KLHL12: variants seen among roughly 807,000 people sequenced by gnomAD.
The protein encoded by KLHL12 is kelch like family member 12.
In KLHL12, 17 loss-of-function variants were observed where a neutral mutation model predicts 60.8. The observed-to-expected ratio is 0.28, with a 90% CI of 0.19 to 0.42. The LOEUF (loss-of-function observed/expected upper bound fraction) is 0.42. KLHL12 is among the 10% of genes least tolerant of loss of function. KLHL12 has a pLI of 1.00. For missense variants in KLHL12, 468 were observed against 722.3 expected (o/e 0.65, Z 4.04); for synonymous variants, 220 against 250.9 (o/e 0.88, Z 1.16).
chr1:202,911,762 G>A (rs1399287954), intron 4 of KLHL12: 2 of 663,614 alleles, frequency 3.0e-6, no homozygotes, highest in Non-Finnish European at 2.7e-6. Context: ...CTTTCTGCCT[G>A]TGGACGCCGC....
Position 202,894,195 on chromosome 1 carries a change from G to A in KLHL12, c.1382C>T (p.Thr461Ile), listed in dbSNP as rs1284564389. Residue 461 changes from threonine (T) to isoleucine (I), a missense_variant, in exon 10 of 12, where the codon ACC becomes ATC. By Grantham distance (89) the Thr-to-Ile change is moderately conservative. Around this residue, in one of 4 missense-constraint regions of KLHL12, gnomAD observed 339 missense variants for 525.0 expected, o/e 0.65. Transcript: ENST00000367261. Reference sequence around the variant, plus strand: ...AGATCTGGTCTTACCAGAACGCTTGGTGGCCATTGGTGTAACATTAGTCCA... The same window carrying A: ...AGATCTGGTCTTACCAGAACGCTTGATGGCCATTGGTGTAACATTAGTCCA... ...GHWTNVTPMA[T>I]KRSGAGVALL... The A allele has an allele frequency of 2.6e-6, 4 of 1,550,368 alleles. No individual in the cohort carries two copies. Among genetic ancestry groups the A allele is most frequent in the Non-Finnish European group, 3.5e-6 (4 of 1,144,196 alleles).
intron 4 of KLHL12, among the ~76,000 whole-genome samples, chr1:202,915,488 C>T (rs993913619): frequency 1.3e-5 from 2 of 152,096 alleles, no homozygotes; most frequent in Admixed American, 6.6e-5. Context: ...AAAAACTACA[C>T]ATAAGAGTTC....
chr1:202,914,201 T>A (rs757363997), intron 4 of KLHL12, among the ~76,000 whole-genome samples: 4 of 152,190 alleles, frequency 2.6e-5, no homozygotes, highest in Non-Finnish European at 5.9e-5. Context: ...TATGATCATA[T>A]TGATGTTTTG....
intron 7 of KLHL12, among the ~76,000 whole-genome samples, chr1:202,896,329 G>C (rs905537764): frequency 6.6e-6 from 1 of 152,098 alleles, no homozygotes; most frequent in Non-Finnish European, 1.5e-5. Flanking sequence ...AGGACTACAG[G>C]CATGCACCAC....
At chr1:202,912,482 G>A (rs1311758877) in intron 4 of KLHL12, 12 of 911,710 alleles carry the variant, frequency 1.3e-5, no homozygotes, top group African/African-American at 4.8e-5. Context: ...TGGATATGGT[G>A]GCAGTGAGGA....
intron 2 of KLHL12, among the ~76,000 whole-genome samples, chr1:202,921,518 T>A (rs980335445): frequency 6.6e-6 from 1 of 152,222 alleles, no homozygotes; most frequent in Non-Finnish European, 1.5e-5. Context: ...ATGCAGGTCA[T>A]CCTAAGGGAC....
intron 6 of KLHL12, among the ~76,000 whole-genome samples, chr1:202,902,361 T>C (rs7542327): frequency 0.82 from 124,692 of 151,416 alleles, 51,661 homozygotes; most frequent in East Asian, 0.89. Context: ...ACTTGGGAAG[T>C]GGAGACTGCA....
At chr1:202,911,456 A>ATC (rs10577552) in intron 4 of KLHL12, among the ~76,000 whole-genome samples, 3,054 of 149,306 alleles carry the variant, frequency 0.02, 91 homozygotes, top group African/African-American at 0.065. Context: ...ATATATATGT[A>ATC]TCTCTCTCTC....
At chr1:202,917,182 ACAGG>A (rs1414200196) in intron 4 of KLHL12, among the ~76,000 whole-genome samples, 12 of 152,160 alleles carry the variant, frequency 7.9e-5, no homozygotes, top group Non-Finnish European at 1.5e-4. Flanking sequence ...CCTGCCTGGC[ACAGG>A]TAGTATCCCC....
At chr1:202,917,222 T>C (rs1660548947) in intron 4 of KLHL12, among the ~76,000 whole-genome samples, 1 of 152,138 alleles carries the variant, frequency 6.6e-6, no homozygotes, top group Admixed American at 6.5e-5. Context: ...TTATTCCTTC[T>C]TCCCCCGCAA....
intron 4 of KLHL12, among the ~76,000 whole-genome samples, chr1:202,916,922 A>G (rs1320307992): frequency 1.3e-5 from 2 of 150,410 alleles, no homozygotes; most frequent in Admixed American, 1.3e-4. Context: ...GCAGTGAGCC[A>G]TAATTGCATC....
At chr1:202,900,689 C>A (rs1659979946) in intron 6 of KLHL12, among the ~76,000 whole-genome samples, 1 of 152,142 alleles carries the variant, frequency 6.6e-6, no homozygotes, top group Admixed American at 6.6e-5. Context: ...CATGGTGAAA[C>A]CCCATCTCTA....
chr1:202,893,311 A>G lies in KLHL12; in HGVS notation c.1508T>C (p.Val503Ala). ...YNIRTDSWTT[V>A]TSMTTPRCYV... ...GCATCGTGGAGTGGTCATACTGGTG[A>G]CAGTTGTCCAGGAATCAGTGCGAAT... The change falls in exon 11 of 12, where the codon GTC becomes GCC. Residue 503 changes from valine to alanine, a missense_variant. Around this residue, in one of 4 missense-constraint regions of KLHL12, gnomAD observed 68 missense variants for 119.8 expected, o/e 0.57. Coordinates refer to ENST00000367261, the MANE Select transcript of KLHL12 (RefSeq NM_021633.4). The surrounding 1 kb of genome is among the most constrained non-coding windows in gnomAD (Gnocchi z 4.1). The G allele has an allele frequency of 6.2e-7, 1 of 1,613,666 alleles. No homozygotes were observed. Among genetic ancestry groups the G allele is most frequent in the Non-Finnish European group, 8.5e-7 (1 of 1,179,946 alleles).
chr1:202,902,661 T>C (rs1456172051), intron 6 of KLHL12, among the ~76,000 whole-genome samples: 2 of 151,956 alleles, frequency 1.3e-5, no homozygotes, highest in Non-Finnish European at 2.9e-5. Flanking sequence ...CTTAAAGAAA[T>C]GGGAAGAATG....
At position 202,927,160 on chromosome 1, in the gene KLHL12, T is replaced by G; in HGVS notation, c.-117A>C. 2 of 985,208 alleles carry G rather than the reference T, an allele frequency of 2.0e-6. No homozygotes were observed. Among genetic ancestry groups the G allele is most frequent in the Non-Finnish European group, 2.4e-6 (2 of 829,896 alleles). The allele number at this position is 985,208 out of a possible 1,614,324, so 61.0% of individuals were successfully genotyped here. A position where few individuals can be genotyped will look rare whatever the true frequency, so the allele number is the denominator to read the frequency against. On this transcript the variant is annotated 5_prime_UTR_variant, in exon 1 of 12. Coordinates refer to ENST00000367261, the MANE Select transcript of KLHL12 (RefSeq NM_021633.4). Reference sequence around the variant, plus strand: ...GTGGGGATGGAGTGCGGCGCGGGGCTAGCAGGCGGCTCGGGAGGAGCCGAA... The same window carrying G: ...GTGGGGATGGAGTGCGGCGCGGGGCGAGCAGGCGGCTCGGGAGGAGCCGAA...
At chr1:202,914,397 G>A (rs1660456853) in intron 4 of KLHL12, among the ~76,000 whole-genome samples, 3 of 152,190 alleles carry the variant, frequency 2.0e-5, no homozygotes, top group African/African-American at 7.2e-5. Context: ...TGGATAAGAT[G>A]CAGGGGAGGG....
At chr1:202,914,149 G>A (rs1660449457) in intron 4 of KLHL12, among the ~76,000 whole-genome samples, 1 of 152,198 alleles carries the variant, frequency 6.6e-6, no homozygotes, top group African/African-American at 2.4e-5. Context: ...TTGACTCTCA[G>A]AGCAACTTGA....
rs1660581008 is a variant in KLHL12 at position 202,918,216 on chromosome 1, C to A, written c.522G>T (p.Leu174=). 5 of 1,614,142 alleles carry A rather than the reference C, an allele frequency of 3.1e-6. No individual in the cohort carries two copies. Among genetic ancestry groups the A allele is most frequent in the Non-Finnish European group, 4.2e-6 (5 of 1,180,012 alleles). The change falls in exon 4 of 12, where the codon CTG becomes CTT. Residue 174 remains leucine, a synonymous_variant. Coordinates refer to ENST00000367261, the MANE Select transcript of KLHL12 (RefSeq NM_021633.4). ...TTAGCTTTTCCACCTCTCCTTGACT[C>A]AGAAGAATGAACTCTTCATGCTGTA... The part of the protein sequence containing the change: ...EVVQHEEFIL[L]SQGEVEKLIK...
At chr1:202,927,267 TG>T (rs1161546399), upstream of KLHL12, 1 of 980,270 alleles carries the variant, frequency 1.0e-6, no homozygotes, top group Non-Finnish European at 1.2e-6. Flanking sequence ...GATGACGCAA[TG>T]CAGCTGGAGC....
Sources: gnomAD v4.1 joint callset for allele counts (sites outside exome capture counted in the v4.1 genomes callset) on GRCh38, gnomAD v4.1.1 for gene constraint, gnomAD v4.1.1 regional missense constraint, Gnocchi (gnomAD v3.1) non-coding constraint, MANE v1.5 for transcripts, NCBI Gene and HGNC (gene_info 2026-07-23, HGNC 2026-07-21) for gene names.